The following IL1RAPL1 variants were observed in gnomAD, a reference collection of about 807,000 sequenced individuals.
IL1RAPL1 encodes the protein interleukin 1 receptor accessory protein like 1.
IL1RAPL1 carries 3 observed loss-of-function variants against 48.4 expected under a neutral mutation model. The observed-to-expected ratio is 0.06, with a 90% CI of 0.03 to 0.16. The LOEUF (loss-of-function observed/expected upper bound fraction) is 0.16. Ranked by LOEUF, IL1RAPL1 falls within the 10% of genes least tolerant of loss-of-function variation. The pLI is 1.00. For missense variants in IL1RAPL1, 349 were observed against 530.6 expected (o/e 0.66, Z 3.36); for synonymous variants, 185 against 187.7 (o/e 0.99, Z 0.12).
intron 1 of IL1RAPL1, among the ~76,000 whole-genome samples, chrX:28,647,632 T>C (rs989892147): frequency 8.9e-6 from 1 of 112,124 alleles, no homozygotes; most frequent in Non-Finnish European, 1.9e-5. Context: ...AGGCAGGGAT[T>C]GGTTAAGTTT....
chrX:29,444,066 G>A (rs1189577564), intron 5 of IL1RAPL1, among the ~76,000 whole-genome samples: 1 of 112,439 alleles, frequency 8.9e-6, no homozygotes, highest in African/African-American at 3.2e-5. Flanking sequence ...ATGTGGCTGG[G>A]CGCCGTGGCT....
chrX:29,643,701 A>G (rs1033926875), intron 5 of IL1RAPL1, among the ~76,000 whole-genome samples: 1 of 111,406 alleles, frequency 9.0e-6, no homozygotes, highest in Non-Finnish European at 1.9e-5. Flanking sequence ...AGTGTGTTCC[A>G]CTGCCTCATT....
At chrX:28,611,145 C>T (rs1332167472) in intron 1 of IL1RAPL1, among the ~76,000 whole-genome samples, 1 of 111,598 alleles carries the variant, frequency 9.0e-6, no homozygotes, top group Non-Finnish European at 1.9e-5. Flanking sequence ...GCTTCCCCAC[C>T]AAATCTTTGT....
chrX:29,944,348 CTT>C (rs1336854734), intron 9 of IL1RAPL1, among the ~76,000 whole-genome samples: 1 of 111,504 alleles, frequency 9.0e-6, no homozygotes, highest in Non-Finnish European at 1.9e-5. Context: ...GGGCCCCACT[CTT>C]AACTCGTATC....
intron 5 of IL1RAPL1, among the ~76,000 whole-genome samples, chrX:29,582,357 T>A (rs5927832): frequency 0.31 from 32,807 of 105,964 alleles, 3,858 homozygotes; most frequent in South Asian, 0.47. Flanking sequence ...ATCTTTTTTT[T>A]TTTATTTTTT....
intron 2 of IL1RAPL1, among the ~76,000 whole-genome samples, chrX:29,238,589 C>T (rs751539679): frequency 2.7e-5 from 3 of 111,866 alleles, no homozygotes; most frequent in Admixed American, 9.5e-5. Flanking sequence ...GAATCACTCT[C>T]TCATCCAACA....
chrX:28,625,143 A>T (rs1405935371), intron 1 of IL1RAPL1, among the ~76,000 whole-genome samples: 1 of 111,908 alleles, frequency 8.9e-6, no homozygotes, highest in Non-Finnish European at 1.9e-5. Flanking sequence ...TCTCAATTGC[A>T]GCACTGTAAC....
At chrX:29,679,173 G>A (rs1021547928) in intron 6 of IL1RAPL1, among the ~76,000 whole-genome samples, 10 of 111,584 alleles carry the variant, frequency 9.0e-5, no homozygotes, top group Admixed American at 5.7e-4. Flanking sequence ...TTAACAATAC[G>A]GCAGGTCCTA....
At chrX:29,033,848 G>A (rs1227527208) in intron 2 of IL1RAPL1, among the ~76,000 whole-genome samples, 2 of 110,055 alleles carry the variant, frequency 1.8e-5, no homozygotes, top group Non-Finnish European at 3.8e-5. Context: ...TAGGTGTTGA[G>A]CTAGGGCAGT....
chrX:29,794,520 A>G (rs1415923556), intron 6 of IL1RAPL1, among the ~76,000 whole-genome samples: 2 of 112,107 alleles, frequency 1.8e-5, no homozygotes, highest in East Asian at 5.6e-4. Context: ...CAAGCCTGAG[A>G]TTAAATAGAC....
intron 2 of IL1RAPL1, among the ~76,000 whole-genome samples, chrX:29,138,734 G>A (rs1253783250): frequency 8.9e-5 from 9 of 101,479 alleles, no homozygotes; most frequent in South Asian, 4.5e-4. Flanking sequence ...CTGAGATCCC[G>A]CCACTGCACT....
intron 2 of IL1RAPL1, among the ~76,000 whole-genome samples, chrX:29,006,665 G>A (rs1925991134): frequency 9.8e-6 from 1 of 101,944 alleles, no homozygotes; most frequent in African/African-American, 3.6e-5. Flanking sequence ...GTGTGTGTGT[G>A]TGTGTGTGTG....
chrX:28,878,750 A>G (rs1490348523), intron 2 of IL1RAPL1, among the ~76,000 whole-genome samples: 1 of 111,401 alleles, frequency 9.0e-6, no homozygotes, highest in African/African-American at 3.3e-5. Context: ...TCAGGATCAG[A>G]GGGCTCTGGG....
chrX:28,696,893 A>G (rs1456606876), intron 1 of IL1RAPL1, among the ~76,000 whole-genome samples: 1 of 111,580 alleles, frequency 9.0e-6, no homozygotes, highest in Non-Finnish European at 1.9e-5. Flanking sequence ...ATATTGCTGC[A>G]GTAAACATCC....
At chrX:28,744,078 C>A (rs911736947) in intron 1 of IL1RAPL1, among the ~76,000 whole-genome samples, 1 of 111,171 alleles carries the variant, frequency 9.0e-6, no homozygotes, top group African/African-American at 3.3e-5. Context: ...TTTCCTCCCT[C>A]CCCTTCTTCT....
chrX:29,918,123 C>CAAAAAA (rs781348669), intron 7 of IL1RAPL1, among the ~76,000 whole-genome samples: 3 of 7,814 alleles, frequency 3.8e-4, no homozygotes, highest in African/African-American at 2.0e-3. Context: ...ACTCTGTCTC[C>CAAAAAA]AAAAAAAAAA....
intron 8 of IL1RAPL1, among the ~76,000 whole-genome samples, chrX:29,926,224 CTA>C (rs1344366416): frequency 8.0e-5 from 9 of 112,159 alleles, no homozygotes; most frequent in African/African-American, 2.6e-4. Flanking sequence ...GTTTTCTTCT[CTA>C]TGAATGAGAA....
chrX:28,979,040 C>T (rs765949723), intron 2 of IL1RAPL1, among the ~76,000 whole-genome samples: 17 of 111,597 alleles, frequency 1.5e-4, no homozygotes, highest in Non-Finnish European at 2.3e-4. Flanking sequence ...CAACATCTAT[C>T]GTATGACCAC....
At chrX:29,582,657 T>C (rs750971970) in intron 5 of IL1RAPL1, among the ~76,000 whole-genome samples, 12 of 58,696 alleles carry the variant, frequency 2.0e-4, no homozygotes, top group Non-Finnish European at 2.8e-4. Context: ...GGTTTTTTGT[T>C]CTTGCGATAG....
Sources: allele counts gnomAD v4.1 joint callset (sites outside exome capture counted in the v4.1 genomes callset), GRCh38; gene constraint gnomAD v4.1.1; transcripts MANE v1.5; gene names NCBI Gene and HGNC (gene_info 2026-07-23, HGNC 2026-07-21).